The following SAT2 variants were observed in gnomAD, a reference collection of about 807,000 sequenced individuals.
SAT2 encodes the protein spermidine/spermine N1-acetyltransferase family member 2.
A neutral mutation model predicts 24.8 loss-of-function variants in SAT2; 19 were observed. The observed-to-expected ratio is 0.77, with a 90% confidence interval of 0.53 to 1.12. The LOEUF (loss-of-function observed/expected upper bound fraction) is 1.12. SAT2 is among the 50% of genes most tolerant of loss of function. SAT2 has a pLI of 0.00. For synonymous variants in SAT2, 77 were observed against 77.4 expected, an observed-to-expected ratio of 0.99 and a Z score of 0.03; for missense variants, 190 against 210.7, an observed-to-expected ratio of 0.90 and a Z score of 0.61.
rs2072243772 is a variant in SAT2, at chr17:7,627,290, G to C, written c.119-64C>G. On this transcript the variant is annotated intron_variant, in intron 2 of 5. Coordinates refer to ENST00000269298, the MANE Select transcript of SAT2 (RefSeq NM_133491.5). This position sits in a 1 kb window ranked among gnomAD's most constrained non-coding sequence, Gnocchi z 4.8. ...AGGACGTGGGTGTATGCCCAGCCTG[G>C]AGCTGTCGCCTGGGGAACCCATCCC... is the stretch of plus-strand genomic sequence containing the variant. The C allele has an allele frequency of 6.2e-7, 1 of 1,612,046 alleles. No individual in the cohort carries two copies. Among genetic ancestry groups the C allele is most frequent in the Non-Finnish European group, 8.5e-7 (1 of 1,178,376 alleles).
Position 7,627,242 on chromosome 17 carries a change from T to C in SAT2, c.119-16A>G, listed in dbSNP as rs1193009846. The stretch of plus-strand genomic sequence containing the variant: ...GCTCTCAGGGCTGCCGAGATTGGAG[T>C]TGTGACAAAGAGATAGAGAAAGAGG... On this transcript the variant is annotated splice_polypyrimidine_tract_variant and intron_variant, in intron 2 of 5. Transcript: ENST00000269298. The surrounding 1 kb of genome is among the most constrained non-coding windows in gnomAD (Gnocchi z 4.8). 7 of 1,613,512 alleles carry C rather than the reference T, an allele frequency of 4.3e-6. No homozygotes were observed. Among genetic ancestry groups the C allele is most frequent in the African/African-American group, 4.0e-5 (3 of 74,788 alleles).
In SAT2 at chr17:7,627,062, G is replaced by A. The variant is rs765072351; in HGVS notation, c.203-18C>T. 3.7e-6 allele frequency: 6 copies of A among 1,613,216 alleles called. No individual in the cohort carries two copies. In the Admixed American group the frequency reaches 1.0e-4, roughly 27 times the overall value. Reference sequence around the variant, plus strand: ...GCAGGGCCCTGAGAGAGAGAAAAGGGGAGTAAGGCTTCTGGAAGCCTGTGG... The same window carrying A: ...GCAGGGCCCTGAGAGAGAGAAAAGGAGAGTAAGGCTTCTGGAAGCCTGTGG... On this transcript the variant is annotated intron_variant, in intron 3 of 5. Transcript: ENST00000269298. This position sits in a 1 kb window ranked among gnomAD's most constrained non-coding sequence, Gnocchi z 4.8.
At position 7,626,624 on chromosome 17, in the gene SAT2, A is replaced by G; in HGVS notation, c.346-10T>C. The G allele has an allele frequency of 1.9e-6, 3 of 1,611,348 alleles. No individual in the cohort carries two copies. The highest frequency in any genetic ancestry group is 2.5e-6 in the Non-Finnish European group (3 of 1,178,772). On this transcript the variant is annotated splice_polypyrimidine_tract_variant and intron_variant, in intron 5 of 5. Coordinates refer to ENST00000269298, the MANE Select transcript of SAT2 (RefSeq NM_133491.5). ...CCTTATCCAAGGCCACCTGTGGGAG[A>G]AGACAACACTAACTTTTCTGGGGTC...
At position 7,627,409 on chromosome 17, in the gene SAT2, T is replaced by C. The variant is rs151060795; in HGVS notation, c.72A>G (p.Leu24=). Residue 24 remains leucine (L), a synonymous_variant, in exon 2 of 6, where the codon CTA becomes CTG. Coordinates refer to ENST00000269298, the MANE Select transcript of SAT2 (RefSeq NM_133491.5). The surrounding 1 kb of genome is among the most constrained non-coding windows in gnomAD (Gnocchi z 4.8). The stretch of plus-strand genomic sequence containing the variant: ...GATCCGAGAGTTTTTCGAATTCGGC[T>C]AGCTCCTAAGGCGTGGGTACGGAAG... ...CGDILRLIRE[L]AEFEKLSDQV... 2 of 1,614,080 alleles carry C rather than the reference T, an allele frequency of 1.2e-6. No homozygotes were observed. The highest frequency in any genetic ancestry group is 1.7e-6 in the Non-Finnish European group (2 of 1,180,010).
Position 7,627,087 on chromosome 17 carries a change from G to T in SAT2, c.203-43C>A. The T allele has an allele frequency of 6.2e-7, 1 of 1,612,454 alleles. No homozygotes were observed. The highest frequency in any genetic ancestry group is 1.1e-5 in the South Asian group (1 of 91,046). On this transcript the variant is annotated intron_variant, in intron 3 of 5. Transcript: ENST00000269298. The surrounding 1 kb of genome is among the most constrained non-coding windows in gnomAD (Gnocchi z 4.8). ...GGAGTAAGGCTTCTGGAAGCCTGTG[G>T]GGAGACCTCTGAGGCCGGCTGGAGA...
In SAT2 at chr17:7,626,957, A is replaced by G; in HGVS notation, c.290T>C (p.Met97Thr). ...CTGCCCAGTACCCCGATATTCCGGC[A>G]TCACATAGATATCCTCCAGATAAAT... is the stretch of plus-strand genomic sequence containing the variant. ...RTIYLEDIYV[M>T]PEYRGQGIGS... Residue 97 changes from methionine to threonine, a missense_variant, in exon 4 of 6, where the codon ATG becomes ACG. Physicochemically the swap from Met to Thr is moderately conservative, Grantham distance 81 (BLOSUM62 -1). Transcript: ENST00000269298. The G allele has an allele frequency of 6.2e-7, 1 of 1,613,896 alleles. No homozygotes were observed. Among genetic ancestry groups the G allele is most frequent in the Non-Finnish European group, 8.5e-7 (1 of 1,179,862 alleles).
chr17:7,626,499 C>T lies in SAT2; in HGVS notation c.461G>A (p.Trp154Ter), dbSNP rs1478933964. The T allele has an allele frequency of 1.2e-6, 2 of 1,614,022 alleles. No homozygotes were observed. Among genetic ancestry groups the T allele is most frequent in the South Asian group, 1.1e-5 (1 of 91,086 alleles). Reference sequence around the variant, plus strand: ...CTCTCCTTGAAAGCAGAAGAAGTGCCAGCCCTCAGCTTCCGTCAGATCTTG... The same window carrying T: ...CTCTCCTTGAAAGCAGAAGAAGTGCTAGCCCTCAGCTTCCGTCAGATCTTG... ...GAQDLTEAEGWHFFCFQGEAT... is the reference protein window; with the variant it reads ...GAQDLTEAEG The change falls in exon 6 of 6, where the codon TGG becomes TAG. Residue 154 changes from tryptophan to a stop codon, truncating the protein, a stop_gained. Transcript: ENST00000269298. LOFTEE classifies it high-confidence loss of function.
In SAT2 at chr17:7,626,570, C is replaced by T. The variant is rs547613311; in HGVS notation, c.390G>A (p.Leu130=). ...AGTCCATGGCCCTCTGGTTCCAGTC[C>T]AGGACGGCCAGGCGGAATTGGGAGC... ...KGCSQFRLAV[L]DWNQRAMDLY... is the part of the protein sequence containing the mutation. The change falls in exon 6 of 6, where the codon CTG becomes CTA. Residue 130 remains leucine (L), a synonymous_variant. Coordinates refer to ENST00000269298, the MANE Select transcript of SAT2 (RefSeq NM_133491.5). 447 of 1,614,098 alleles carry T rather than the reference C, an allele frequency of 2.8e-4. 4 individuals carry two copies. The South Asian group carries it at 4.8e-3, about 17-fold the overall frequency.
Position 7,627,014 on chromosome 17 carries a change from T to C in SAT2, c.233A>G (p.Tyr78Cys), listed in dbSNP as rs528443883. 15 of 1,613,412 alleles carry C rather than the reference T, an allele frequency of 9.3e-6. No individual in the cohort carries two copies. In the East Asian group the frequency reaches 2.0e-4, roughly 22 times the overall value. ...GPCVVGYGIY[Y>C]FIYSTWKGRT... ...TCCCTTCCATGTACTGTAGATGAAA[T>C]AGTATATCCCATAGCCCACCACGCA... The change falls in exon 4 of 6, where the codon TAT becomes TGT. Residue 78 changes from tyrosine (Y) to cysteine (C), a missense_variant. Physicochemically the swap from Tyr to Cys is radical, Grantham distance 194. Coordinates refer to ENST00000269298, the MANE Select transcript of SAT2 (RefSeq NM_133491.5). This position sits in a 1 kb window ranked among gnomAD's most constrained non-coding sequence, Gnocchi z 4.8.
In SAT2 at chr17:7,627,099, A is replaced by C. The variant is rs762879439; in HGVS notation, c.202+44T>G. ...CTGGAAGCCTGTGGGGAGACCTCTGAGGCCGGCTGGAGAGGTGGACTTCTA... is the reference window on the plus strand; with the variant it reads ...CTGGAAGCCTGTGGGGAGACCTCTGCGGCCGGCTGGAGAGGTGGACTTCTA... On this transcript the variant is annotated intron_variant, in intron 3 of 5. Coordinates refer to ENST00000269298, the MANE Select transcript of SAT2 (RefSeq NM_133491.5). The surrounding 1 kb of genome is among the most constrained non-coding windows in gnomAD (Gnocchi z 4.8). The C allele has an allele frequency of 2.5e-5, 40 of 1,612,532 alleles. No homozygotes were observed. Among genetic ancestry groups the C allele is most frequent in the Non-Finnish European group, 3.4e-5 (40 of 1,178,546 alleles).
Position 7,627,086 on chromosome 17 carries a change from G to A in SAT2, c.203-42C>T. 2 of 1,611,478 alleles carry A rather than the reference G, an allele frequency of 1.2e-6. No homozygotes were observed. Among genetic ancestry groups the A allele is most frequent in the Non-Finnish European group, 1.7e-6 (2 of 1,177,616 alleles). On this transcript the variant is annotated intron_variant, in intron 3 of 5. Coordinates refer to ENST00000269298, the MANE Select transcript of SAT2 (RefSeq NM_133491.5). The surrounding 1 kb of genome is among the most constrained non-coding windows in gnomAD (Gnocchi z 4.8). ...GGGAGTAAGGCTTCTGGAAGCCTGTGGGGAGACCTCTGAGGCCGGCTGGAG... is the reference window on the plus strand; with the variant it reads ...GGGAGTAAGGCTTCTGGAAGCCTGTAGGGAGACCTCTGAGGCCGGCTGGAG...
rs1374569714 is a variant in SAT2 at position 7,627,274 on chromosome 17, G to C, written c.119-48C>G. ...AAAGAGATAGAGAAAGAGGACGTGG[G>C]TGTATGCCCAGCCTGGAGCTGTCGC... On this transcript the variant is annotated intron_variant, in intron 2 of 5. Transcript: ENST00000269298. This position sits in a 1 kb window ranked among gnomAD's most constrained non-coding sequence, Gnocchi z 4.8. The C allele has an allele frequency of 6.2e-7, 1 of 1,612,112 alleles. No homozygotes were observed. The highest frequency in any genetic ancestry group is 1.3e-5 in the African/African-American group (1 of 74,876).
In SAT2 at chr17:7,627,613, T is replaced by C. The variant is rs1244612892; in HGVS notation, c.23A>G (p.Glu8Gly). The change falls in exon 1 of 6, where the codon GAG becomes GGG. Residue 8 changes from glutamate to glycine, a missense_variant. Coordinates refer to ENST00000269298, the MANE Select transcript of SAT2 (RefSeq NM_133491.5). This position sits in a 1 kb window ranked among gnomAD's most constrained non-coding sequence, Gnocchi z 4.8. Reference protein sequence around the residue: MASVRIREAKEGDCGDIL... With the variant: MASVRIRGAKEGDCGDIL... ...ATCTCCACAGTCTCCCTCCTTGGCC[T>C]CTCGGATCCGCACGGAAGCCATCCG... 14 of 1,613,404 alleles carry C rather than the reference T, an allele frequency of 8.7e-6. No individual in the cohort carries two copies. The South Asian group carries it at 1.3e-4, about 15-fold the overall frequency.
Position 7,627,158 on chromosome 17 carries a change from G to A in SAT2, c.187C>T (p.Pro63Ser), listed in dbSNP as rs1447456523. 4 of 1,614,012 alleles carry A rather than the reference G, an allele frequency of 2.5e-6. No homozygotes were observed. In the African/African-American group the frequency reaches 4.0e-5, roughly 16 times the overall value. The change falls in exon 3 of 6, where the codon CCC (proline) becomes TCC (serine). Residue 63 changes from proline to serine, a missense_variant. Physicochemically the swap from Pro to Ser is moderately conservative, Grantham distance 74. Coordinates refer to ENST00000269298, the MANE Select transcript of SAT2 (RefSeq NM_133491.5). This position sits in a 1 kb window ranked among gnomAD's most constrained non-coding sequence, Gnocchi z 4.8. ...HCLVAEILPA[P>S]GKLLGPCVVG... ...GTGCTCTTACCCAGTAGCTTCCCGG[G>A]CGCTGGAAGAATCTCTGCTACCAAA... is the stretch of plus-strand genomic sequence containing the variant.
chr17:7,627,745 C>T lies in SAT2; in HGVS notation c.-110G>A, dbSNP rs771102778. On this transcript the variant is annotated 5_prime_UTR_variant, in exon 1 of 6. Transcript: ENST00000269298. This position sits in a 1 kb window ranked among gnomAD's most constrained non-coding sequence, Gnocchi z 4.8. ...TGAAGAGCCTGAGAGAGCGGGGTGG[C>T]GGGAGTCGGGGGGGACGGCGGGGTA... 3 of 952,420 alleles carry T rather than the reference C, an allele frequency of 3.1e-6. No individual in the cohort carries two copies. Among genetic ancestry groups the T allele is most frequent in the South Asian group, 1.3e-5 (1 of 75,560 alleles). 59.0% of individuals were successfully genotyped at this position (952,420 alleles called of 1,614,324 possible).
chr17:7,626,940 T>G lies in SAT2; in HGVS notation c.304+3A>C, dbSNP rs774805709. On this transcript the variant is annotated splice_donor_region_variant and intron_variant, in intron 4 of 5. Transcript: ENST00000269298. ...CACCCCAGCCTCAGCTTCTGCCCAG[T>G]ACCCCGATATTCCGGCATCACATAG... 3.7e-6 allele frequency: 6 copies of G among 1,613,378 alleles called. No homozygotes were observed. Among genetic ancestry groups the G allele is most frequent in the Non-Finnish European group, 5.1e-6 (6 of 1,179,508 alleles).
In SAT2 at chr17:7,627,740, G is replaced by C; in HGVS notation, c.-105C>G. ...GATCCTGAAGAGCCTGAGAGAGCGGGGTGGCGGGAGTCGGGGGGGACGGCG... is the reference window on the plus strand; with the variant it reads ...GATCCTGAAGAGCCTGAGAGAGCGGCGTGGCGGGAGTCGGGGGGGACGGCG... On this transcript the variant is annotated 5_prime_UTR_variant, in exon 1 of 6. Coordinates refer to ENST00000269298, the MANE Select transcript of SAT2 (RefSeq NM_133491.5). The surrounding 1 kb of genome is among the most constrained non-coding windows in gnomAD (Gnocchi z 4.8). 2 of 1,360,160 alleles carry C rather than the reference G, an allele frequency of 1.5e-6. No homozygotes were observed. Among genetic ancestry groups the C allele is most frequent in the Non-Finnish European group, 2.1e-6 (2 of 958,674 alleles). 84.3% of individuals were successfully genotyped at this position (1,360,160 alleles called of 1,614,324 possible).
In SAT2 at chr17:7,626,235, C is replaced by A. The variant is rs2072202280; in HGVS notation, c.*212G>T. The A allele has an allele frequency of 3.7e-6, 2 of 537,378 alleles. No homozygotes were observed. Among genetic ancestry groups the A allele is most frequent in the East Asian group, 6.3e-5 (2 of 31,606 alleles). The allele number at this position is 537,378 out of a possible 1,614,324, so 33.3% of individuals were successfully genotyped here. ...ATAAAAGAAAGACCCAACACCACATCAGGACATGTAATTCTTATTTATTTT... is the reference window on the plus strand; with the variant it reads ...ATAAAAGAAAGACCCAACACCACATAAGGACATGTAATTCTTATTTATTTT... On this transcript the variant is annotated 3_prime_UTR_variant, in exon 6 of 6. Transcript: ENST00000269298.
chr17:7,627,478 C>T lies in SAT2; in HGVS notation c.67-64G>A. On this transcript the variant is annotated intron_variant, in intron 1 of 5. Transcript: ENST00000269298. This position sits in a 1 kb window ranked among gnomAD's most constrained non-coding sequence, Gnocchi z 4.8. ...GCCCCGCTGCTCCCCGAGCAGGTTC[C>T]CAAGGCGAGCCCCTCCCCCTGCCCC... The T allele has an allele frequency of 2.5e-6, 4 of 1,606,466 alleles. No homozygotes were observed. Among genetic ancestry groups the T allele is most frequent in the Non-Finnish European group, 3.4e-6 (4 of 1,173,696 alleles).
Sources: gnomAD v4.1 joint callset for allele counts on GRCh38, gnomAD v4.1.1 for gene constraint, Gnocchi (gnomAD v3.1) non-coding constraint, MANE v1.5 for transcripts, NCBI Gene and HGNC (gene_info 2026-07-23, HGNC 2026-07-21) for gene names.